TIPARP: variants seen among roughly 807,000 people sequenced by gnomAD.
TIPARP encodes protein mono-ADP-ribosyltransferase TIPARP.
In TIPARP, 12 loss-of-function variants were observed where a neutral mutation model predicts 56.5. The observed-to-expected ratio is 0.21, with a 90% confidence interval of 0.14 to 0.34. The LOEUF (loss-of-function observed/expected upper bound fraction) is 0.34. Ranked by LOEUF, TIPARP falls within the 10% of genes least tolerant of loss-of-function variation. The pLI, the probability that TIPARP is intolerant of heterozygous loss-of-function variation, is 1.00. For missense variants in TIPARP, 604 were observed against 781.6 expected (o/e 0.77, Z 2.71); for synonymous variants, 296 against 265.7 (o/e 1.11, Z -1.11).
Position 156,694,806 on chromosome 3 carries a change from A to G in TIPARP, c.1086+618A>G, listed in dbSNP as rs1237246648. On this transcript the variant is annotated intron_variant, in intron 3 of 5. Transcript: ENST00000295924. ...ATTCTGAGTCATTTAAACAACCTCA[A>G]ATGGACTTTAGAGATTAATTTCACA... Among the ~76,000 whole-genome samples the G allele has an allele frequency of 2.0e-5, 3 of 152,216 alleles. No homozygotes were observed. The South Asian group carries it at 6.2e-4, about 32-fold the overall frequency.
intron 2 of TIPARP, among the ~76,000 whole-genome samples, chr3:156,692,075 T>C (rs564580078): frequency 4.6e-5 from 7 of 152,316 alleles, no homozygotes; most frequent in Admixed American, 4.6e-4. Context: ...TATATTATAA[T>C]GCATGTTAAC....
intron 4 of TIPARP, among the ~76,000 whole-genome samples, chr3:156,702,560 G>T (rs1203274940): frequency 6.6e-6 from 1 of 152,142 alleles, no homozygotes; most frequent in Non-Finnish European, 1.5e-5. Context: ...TGACCAGTAT[G>T]TGCCAATGAG....
At chr3:156,699,577 G>A (rs1011734277) in intron 4 of TIPARP, among the ~76,000 whole-genome samples, 2 of 151,914 alleles carry the variant, frequency 1.3e-5, no homozygotes, top group African/African-American at 4.8e-5. Flanking sequence ...AATAGACTAT[G>A]GTATAGTATA....
chr3:156,705,320 T>C lies in TIPARP; in HGVS notation c.*189T>C. ...CAAGTTTTAAAATGACCACTTACTC[T>C]TTAATTATTTACTAATTGCTAGTGT... On this transcript the variant is annotated 3_prime_UTR_variant, in exon 6 of 6. Transcript: ENST00000295924. 1.9e-6 allele frequency: 1 copy of C among 519,954 alleles called. No homozygotes were observed. Among genetic ancestry groups the C allele is most frequent in the South Asian group, 2.6e-5 (1 of 38,074 alleles). 32.2% of individuals were successfully genotyped at this position (519,954 alleles called of 1,614,324 possible).
intron 2 of TIPARP, among the ~76,000 whole-genome samples, chr3:156,684,169 G>C (rs1258129126): frequency 6.6e-6 from 1 of 152,142 alleles, no homozygotes; most frequent in East Asian, 1.9e-4. Flanking sequence ...TAAAAGTTTT[G>C]AAAGAAACTC....
intron 2 of TIPARP, among the ~76,000 whole-genome samples, chr3:156,687,775 G>A (rs1577036999): frequency 6.6e-6 from 1 of 152,212 alleles, no homozygotes; most frequent in East Asian, 1.9e-4. Flanking sequence ...TGACTTTTAA[G>A]ACTACAGATG....
At chr3:156,691,385 A>C (rs1018345542) in intron 2 of TIPARP, among the ~76,000 whole-genome samples, 1 of 152,114 alleles carries the variant, frequency 6.6e-6, no homozygotes, top group Admixed American at 6.6e-5. Context: ...TCCTGAATGT[A>C]CTTGCCACTG....
At chr3:156,677,353 C>G (rs1351513902) in intron 1 of TIPARP, among the ~76,000 whole-genome samples, 1 of 152,138 alleles carries the variant, frequency 6.6e-6, no homozygotes, top group African/African-American at 2.4e-5. Context: ...CCACTCTAAC[C>G]TTATAGTAGA....
chr3:156,676,267 T>A (rs1185821548), intron 1 of TIPARP, among the ~76,000 whole-genome samples: 1 of 152,260 alleles, frequency 6.6e-6, no homozygotes, highest in Non-Finnish European at 1.5e-5. Flanking sequence ...AATGCCAGCT[T>A]ACAGTGAACT....
chr3:156,700,105 A>AT (rs1722811040), intron 4 of TIPARP, among the ~76,000 whole-genome samples: 1 of 151,476 alleles, frequency 6.6e-6, no homozygotes, highest in African/African-American at 2.4e-5. Context: ...TATTTTTTAT[A>AT]TTTTTTAAAA....
chr3:156,694,587 C>T (rs1321410968), intron 3 of TIPARP, among the ~76,000 whole-genome samples: 1 of 152,132 alleles, frequency 6.6e-6, no homozygotes, highest in Non-Finnish European at 1.5e-5. Flanking sequence ...ATTTTAGAAG[C>T]CCAATGGAAA....
chr3:156,684,084 A>G (rs1722369512), intron 2 of TIPARP, among the ~76,000 whole-genome samples: 1 of 152,194 alleles, frequency 6.6e-6, no homozygotes, highest in Admixed American at 6.5e-5. Context: ...ATTTTTTGCA[A>G]AGGAAAAAAC....
At position 156,694,050 on chromosome 3, in the gene TIPARP, C is replaced by G; in HGVS notation, c.948C>G (p.Ala316=). ...GGQEFWADLN[A]MNVYETTEFD... is the part of the protein sequence containing the mutation. ...AAGAATTTTGGGCAGATTTGAATGC[C>G]ATGAACGTGTATGAAACAACTGAAT... The change falls in exon 3 of 6, where the codon GCC becomes GCG. Residue 316 remains alanine (A), a synonymous_variant. Transcript: ENST00000295924. 6.2e-7 allele frequency: 1 copy of G among 1,611,350 alleles called. No individual in the cohort carries two copies. The highest frequency in any genetic ancestry group is 8.5e-7 in the Non-Finnish European group (1 of 1,178,958).
chr3:156,692,630 T>C (rs1273496381), intron 2 of TIPARP, among the ~76,000 whole-genome samples: 2 of 152,162 alleles, frequency 1.3e-5, no homozygotes, highest in Admixed American at 1.3e-4. Flanking sequence ...AGTTCCATAC[T>C]TTTTGGCTTC....
chr3:156,701,572 A>G lies in TIPARP; in HGVS notation c.1248-1852A>G, dbSNP rs1014273239. Among the ~76,000 whole-genome samples, 15 of 152,304 alleles carry G rather than the reference A, an allele frequency of 9.8e-5. No homozygotes were observed. The South Asian group carries it at 1.2e-3, about 13-fold the overall frequency. On this transcript the variant is annotated intron_variant, in intron 4 of 5. Transcript: ENST00000295924. The stretch of plus-strand genomic sequence containing the variant: ...GGCTTATATTCTTTGCTTCCCCGCC[A>G]TTCCTCCAGATTAGTGATGGCTTTT...
At chr3:156,685,602 T>C (rs535820899) in intron 2 of TIPARP, among the ~76,000 whole-genome samples, 1 of 152,068 alleles carries the variant, frequency 6.6e-6, no homozygotes, top group East Asian at 1.9e-4. Flanking sequence ...AGTAATCTTA[T>C]GTTGAAACAT....
chr3:156,691,608 T>C (rs1577038489), intron 2 of TIPARP, among the ~76,000 whole-genome samples: 1 of 152,150 alleles, frequency 6.6e-6, no homozygotes, highest in South Asian at 2.1e-4. Flanking sequence ...GTGGTGGCTG[T>C]TGAACATTTG....
chr3:156,682,461 A>G (rs1577035145), intron 2 of TIPARP, among the ~76,000 whole-genome samples: 2 of 152,184 alleles, frequency 1.3e-5, no homozygotes, highest in East Asian at 3.8e-4. Context: ...TTAGAAGTCT[A>G]TTTTTAAACT....
At chr3:156,680,034 ATG>A (rs1455797750) in intron 2 of TIPARP, among the ~76,000 whole-genome samples, 2 of 152,200 alleles carry the variant, frequency 1.3e-5, no homozygotes, top group Non-Finnish European at 2.9e-5. Context: ...ACATAAATCC[ATG>A]TGTCTTTTTA....
Sources: gnomAD v4.1 joint callset for allele counts (sites outside exome capture counted in the v4.1 genomes callset) on GRCh38, gnomAD v4.1.1 for gene constraint, MANE v1.5 for transcripts, NCBI Gene and HGNC (gene_info 2026-07-23, HGNC 2026-07-21) for gene names.